RPS6KC1: variants seen among roughly 807,000 people sequenced by gnomAD.
RPS6KC1 encodes inactive ribosomal protein S6 kinase delta-1.
RPS6KC1 carries 54 observed loss-of-function variants against 103.8 expected under a neutral mutation model. That is an observed-to-expected ratio of 0.52 (90% CI 0.42 to 0.65). RPS6KC1 has a LOEUF of 0.65. RPS6KC1 is among the 30% of genes least tolerant of loss of function. The pLI, the probability that RPS6KC1 is intolerant of heterozygous loss-of-function variation, is 0.00. For synonymous variants in RPS6KC1, 439 were observed against 438.7 expected (o/e 1.00, Z -0.01); for missense variants, 1,151 against 1,253.8 (o/e 0.92, Z 1.24).
the RPS6KC1 span, among the ~76,000 whole-genome samples, chr1:213,664,279 G>A: frequency 6.6e-6 from 1 of 152,022 alleles, no homozygotes; most frequent in African/African-American, 2.4e-5. Context: ...CTGAGGCTCC[G>A]GCCTCAGGAG....
chr1:213,511,672 C>T, the RPS6KC1 span, among the ~76,000 whole-genome samples: 9 of 152,320 alleles, frequency 5.9e-5, no homozygotes, highest in Admixed American at 2.6e-4. Flanking sequence ...GATCTCCTTA[C>T]TTTTCCTCCA....
chr1:213,775,889 C>A, the RPS6KC1 span, among the ~76,000 whole-genome samples: 1 of 152,170 alleles, frequency 6.6e-6, no homozygotes. Context: ...ATTCTAAATC[C>A]TTTCTTATCA....
At chr1:213,565,368 AT>A in the RPS6KC1 span, among the ~76,000 whole-genome samples, 13 of 152,234 alleles carry the variant, frequency 8.5e-5, no homozygotes, top group Non-Finnish European at 1.5e-4. Flanking sequence ...GAGGCCAGAT[AT>A]CCACCAGCAG....
the RPS6KC1 span, among the ~76,000 whole-genome samples, chr1:213,364,418 G>A: frequency 6.6e-6 from 1 of 152,174 alleles, no homozygotes; most frequent in African/African-American, 2.4e-5. Flanking sequence ...TAAGGAGTTG[G>A]TACTTTACCC....
chr1:213,648,324 G>A, the RPS6KC1 span, among the ~76,000 whole-genome samples: 108,150 of 151,962 alleles, frequency 0.71, 39,077 homozygotes, highest in African/African-American at 0.82. Flanking sequence ...TAATAGAGCC[G>A]TGTGCATCTC....
chr1:213,127,380 T>G (rs2085101148), intron 5 of RPS6KC1, among the ~76,000 whole-genome samples: 1 of 152,200 alleles, frequency 6.6e-6, no homozygotes, highest in Non-Finnish European at 1.5e-5. Context: ...AACTGTTACA[T>G]TTTGTTAAAT....
chr1:213,326,111 A>G, the RPS6KC1 span, among the ~76,000 whole-genome samples: 2 of 152,128 alleles, frequency 1.3e-5, no homozygotes, highest in Non-Finnish European at 2.9e-5. Context: ...AGCGGGAGGC[A>G]GAGGGGGAAG....
chr1:213,386,134 C>T, the RPS6KC1 span, among the ~76,000 whole-genome samples: 1 of 152,094 alleles, frequency 6.6e-6, no homozygotes, highest in African/African-American at 2.4e-5. Context: ...CAGTCATTCC[C>T]TGGAGAGCTG....
the RPS6KC1 span, among the ~76,000 whole-genome samples, chr1:213,626,805 T>C: frequency 6.6e-6 from 1 of 152,222 alleles, no homozygotes; most frequent in Non-Finnish European, 1.5e-5. Flanking sequence ...TTGGTACCAG[T>C]ACCATGCTGT....
chr1:213,244,046 A>C (rs2094411120), intron 12 of RPS6KC1, among the ~76,000 whole-genome samples: 1 of 152,076 alleles, frequency 6.6e-6, no homozygotes, highest in Admixed American at 6.6e-5. Flanking sequence ...CTTCAAATTA[A>C]GACTGTTTGG....
At chr1:213,346,609 C>T in the RPS6KC1 span, among the ~76,000 whole-genome samples, 1 of 151,990 alleles carries the variant, frequency 6.6e-6, no homozygotes, top group East Asian at 1.9e-4. Context: ...TTCTTATATT[C>T]AGGCTGGTTT....
At chr1:213,559,618 A>C in the RPS6KC1 span, among the ~76,000 whole-genome samples, 1 of 152,212 alleles carries the variant, frequency 6.6e-6, no homozygotes, top group Non-Finnish European at 1.5e-5. Flanking sequence ...CTGGCCAAAC[A>C]AAACATCTGT....
intron 1 of RPS6KC1, among the ~76,000 whole-genome samples, chr1:213,068,483 C>CAAAAAAAA (rs71147057): frequency 5.5e-5 from 2 of 36,360 alleles, no homozygotes; most frequent in African/African-American, 2.3e-4. Context: ...GACTCTGTCT[C>CAAAAAAAA]AAAAAAAAAA....
intron 8 of RPS6KC1, among the ~76,000 whole-genome samples, chr1:213,191,963 C>T (rs2092764208): frequency 6.6e-6 from 1 of 152,014 alleles, no homozygotes; most frequent in Middle Eastern, 3.2e-3. Flanking sequence ...CACGTGTCAC[C>T]ATGCCCAGCT....
chr1:213,598,528 A>G, the RPS6KC1 span, among the ~76,000 whole-genome samples: 3 of 152,192 alleles, frequency 2.0e-5, no homozygotes, highest in Non-Finnish European at 2.9e-5. Flanking sequence ...GAATCCCACA[A>G]TCTGCTTTTT....
chr1:213,424,133 C>T, the RPS6KC1 span, among the ~76,000 whole-genome samples: 1 of 152,120 alleles, frequency 6.6e-6, no homozygotes, highest in Non-Finnish European at 1.5e-5. Context: ...TTCCATTGTG[C>T]CTCTGTTTCA....
the RPS6KC1 span, among the ~76,000 whole-genome samples, chr1:213,766,305 T>C: frequency 3.3e-5 from 5 of 152,244 alleles, no homozygotes; most frequent in Non-Finnish European, 5.9e-5. Context: ...AAAGTGGTGA[T>C]GAAGTTGCTG....
chr1:213,405,346 G>T, the RPS6KC1 span, among the ~76,000 whole-genome samples: 4 of 152,362 alleles, frequency 2.6e-5, no homozygotes, highest in Middle Eastern at 0.01. Context: ...AAAATGTCGG[G>T]TTGGAGCCGC....
chr1:213,363,702 C>CTTTG, the RPS6KC1 span, among the ~76,000 whole-genome samples: 9 of 58,878 alleles, frequency 1.5e-4, no homozygotes, highest in African/African-American at 1.3e-3. Flanking sequence ...TTCTTTCTTT[C>CTTTG]CTTCTTTCTT....
Sources: gnomAD v4.1 joint callset for allele counts (sites outside exome capture counted in the v4.1 genomes callset) on GRCh38, gnomAD v4.1.1 for gene constraint, MANE v1.5 for transcripts, NCBI Gene and HGNC (gene_info 2026-07-23, HGNC 2026-07-21) for gene names.